ADAMTS12: variants seen among roughly 807,000 people sequenced by gnomAD.
ADAMTS12 encodes ADAM metallopeptidase with thrombospondin type 1 motif 12.
ADAMTS12 carries 118 observed loss-of-function variants against 167.8 expected under a neutral mutation model. The observed-to-expected ratio is 0.70, with a 90% CI of 0.61 to 0.82. The LOEUF (loss-of-function observed/expected upper bound fraction) is 0.82, where lower values mean the gene tolerates loss of function less well. Ranked by LOEUF, ADAMTS12 falls within the 40% of genes least tolerant of loss-of-function variation. The probability of loss-of-function intolerance (pLI) is 0.00; values close to 1 mark genes in which losing one functional copy is unlikely to be tolerated. For synonymous variants in ADAMTS12, 704 were observed against 716.9 expected (o/e 0.98, Z 0.29); for missense variants, 1,916 against 1,998.8 (o/e 0.96, Z 0.79).
intron 9 of ADAMTS12, among the ~76,000 whole-genome samples, chr5:33,647,502 G>A (rs574494848): frequency 2.6e-5 from 4 of 152,242 alleles, no homozygotes; most frequent in East Asian, 3.9e-4. Context: ...AGGCCAAGGC[G>A]GGTGGATCAC....
At chr5:33,835,933 CTCTCTCTCTCTCTCTCTCTCTGTGTGTG>C (rs1276833196) in intron 2 of ADAMTS12, among the ~76,000 whole-genome samples, 19 of 52,360 alleles carry the variant, frequency 3.6e-4, no homozygotes, top group South Asian at 2.0e-3. Context: ...CTCTCTCTCT[CTCTCTCTCTCTCTCTCTCTCTGTGTGTG>C]TGTGTGTGTC....
chr5:33,561,263 C>A, intron 19 of ADAMTS12, 84 bp from the exon 20 acceptor site: 2 of 1,525,882 alleles, frequency 1.3e-6, no homozygotes, highest in Non-Finnish European at 1.8e-6. Context: ...GGAGTCAGTT[C>A]TCAGTCCCGT....
In ADAMTS12 at chr5:33,672,908, G is replaced by A. The variant is rs1026765069; in HGVS notation, c.915+10110C>T. On this transcript the variant is annotated intron_variant, in intron 5 of 23. Coordinates refer to ENST00000504830, the MANE Select transcript of ADAMTS12 (RefSeq NM_030955.4). Reference sequence around the variant, plus strand: ...GACAGTATCTTAGCCAAGTCACAAAGCAGGCATTGGCAGAGCAGGGCTTGG... The same window carrying A: ...GACAGTATCTTAGCCAAGTCACAAAACAGGCATTGGCAGAGCAGGGCTTGG... Among the ~76,000 whole-genome samples, 4 of 152,202 alleles carry A rather than the reference G, an allele frequency of 2.6e-5. No homozygotes were observed. In the South Asian group the frequency reaches 8.3e-4, roughly 32 times the overall value.
chr5:33,578,104 T>G (rs1341883167), intron 18 of ADAMTS12, among the ~76,000 whole-genome samples: 1 of 152,200 alleles, frequency 6.6e-6, no homozygotes, highest in Non-Finnish European at 1.5e-5. Context: ...TCCAATGGCA[T>G]TTGAAGTCAA....
At chr5:33,787,612 C>A (rs1008275820) in intron 2 of ADAMTS12, among the ~76,000 whole-genome samples, 8 of 152,174 alleles carry the variant, frequency 5.3e-5, no homozygotes, top group African/African-American at 1.9e-4. Flanking sequence ...CATGCTGGCA[C>A]AGAGGCTGCA....
rs184610007 is a variant in ADAMTS12, at chr5:33,771,866, T to C, written c.490-20318A>G. Among the ~76,000 whole-genome samples, 265 of 151,552 alleles carry C rather than the reference T, an allele frequency of 1.7e-3. 1 individual carries two copies. The highest frequency in any genetic ancestry group is 6.1e-3 in the African/African-American group (251 of 41,256). ...TTTTTTTTTTGACAAGGTCTTGCTC[T>C]GTCACCCAGGCTGGAGTGGCACAAT... On this transcript the variant is annotated intron_variant, in intron 2 of 23. Coordinates refer to ENST00000504830, the MANE Select transcript of ADAMTS12 (RefSeq NM_030955.4).
intron 3 of ADAMTS12, among the ~76,000 whole-genome samples, chr5:33,717,645 T>A (rs1743661662): frequency 6.6e-6 from 1 of 152,194 alleles, no homozygotes; most frequent in Non-Finnish European, 1.5e-5. Context: ...AAGGCCTTGA[T>A]CACTGTGAAT....
At chr5:33,798,629 G>A (rs956225891) in intron 2 of ADAMTS12, among the ~76,000 whole-genome samples, 10 of 151,770 alleles carry the variant, frequency 6.6e-5, no homozygotes, top group Non-Finnish European at 1.0e-4. Context: ...TTGCAGAGAC[G>A]GGGTTTCACC....
chr5:33,636,640 C>T (rs1740208813), intron 12 of ADAMTS12, among the ~76,000 whole-genome samples: 2 of 152,138 alleles, frequency 1.3e-5, no homozygotes, highest in Admixed American at 6.5e-5. Flanking sequence ...ATTCTCAAAT[C>T]TGTGATTTTT....
intron 2 of ADAMTS12, among the ~76,000 whole-genome samples, chr5:33,837,393 GC>G (rs1340067336): frequency 2.0e-5 from 3 of 152,210 alleles, no homozygotes; most frequent in Non-Finnish European, 4.4e-5. Flanking sequence ...TTGAGTTGCT[GC>G]TTTTAATTAC....
intron 3 of ADAMTS12, among the ~76,000 whole-genome samples, chr5:33,691,372 GAAGT>G (rs930796682): frequency 6.6e-5 from 10 of 152,172 alleles, no homozygotes; most frequent in African/African-American, 2.2e-4. Context: ...GCTTAGGAAG[GAAGT>G]GAGATTCAAT....
chr5:33,542,899 C>G (rs1744777094), intron 22 of ADAMTS12, among the ~76,000 whole-genome samples: 1 of 152,076 alleles, frequency 6.6e-6, no homozygotes, highest in Non-Finnish European at 1.5e-5. Flanking sequence ...TAAATGCCCA[C>G]AAGAGAAAGC....
chr5:33,787,800 G>A (rs1746382867), intron 2 of ADAMTS12, among the ~76,000 whole-genome samples: 2 of 152,218 alleles, frequency 1.3e-5, no homozygotes, highest in Admixed American at 6.5e-5. Flanking sequence ...ATACAGAAAA[G>A]AGCGTGATAT....
intron 3 of ADAMTS12, among the ~76,000 whole-genome samples, chr5:33,724,176 C>G (rs955449212): frequency 1.3e-5 from 2 of 152,264 alleles, no homozygotes; most frequent in Middle Eastern, 3.4e-3. Context: ...GATTTTTAAA[C>G]AGTTCTGGAT....
At chr5:33,742,250 A>G (rs6859371) in intron 3 of ADAMTS12, among the ~76,000 whole-genome samples, 9,770 of 151,820 alleles carry the variant, frequency 0.064, 1,066 homozygotes, top group African/African-American at 0.22. Context: ...GCCTTTGAAG[A>G]GGAAGATTAG....
chr5:33,595,883 A>G, intron 17 of ADAMTS12, 51 bp downstream of exon 17: 1 of 1,608,150 alleles, frequency 6.2e-7, no homozygotes, highest in Non-Finnish European at 8.5e-7. Flanking sequence ...CTCTTGAGTC[A>G]GACATCACTG....
At position 33,785,336 on chromosome 5, in the gene ADAMTS12, G is replaced by A. The variant is rs115237649; in HGVS notation, c.490-33788C>T. On this transcript the variant is annotated intron_variant, in intron 2 of 23. Coordinates refer to ENST00000504830, the MANE Select transcript of ADAMTS12 (RefSeq NM_030955.4). ...TGATAAATTGAACTTCAACAAAATCGCAAACTTTGCTCTCAAAATATGTCT... is the reference window on the plus strand; with the variant it reads ...TGATAAATTGAACTTCAACAAAATCACAAACTTTGCTCTCAAAATATGTCT... Among the ~76,000 whole-genome samples the A allele has an allele frequency of 8.0e-3, 1,214 of 152,062 alleles. 18 individuals are homozygous for A. The highest frequency in any genetic ancestry group is 0.028 in the African/African-American group (1,153 of 41,508).
At chr5:33,551,286 C>T (rs889245708) in intron 20 of ADAMTS12, among the ~76,000 whole-genome samples, 4 of 152,104 alleles carry the variant, frequency 2.6e-5, no homozygotes, top group Admixed American at 6.5e-5. Context: ...AACACATGGG[C>T]CCATGTGATG....
At chr5:33,707,633 C>T (rs1438628430) in intron 3 of ADAMTS12, among the ~76,000 whole-genome samples, 1 of 152,090 alleles carries the variant, frequency 6.6e-6, no homozygotes, top group East Asian at 1.9e-4. Context: ...CAACAGAGGC[C>T]TCAGAAATAA....
Sources: gnomAD v4.1 joint callset for allele counts (sites outside exome capture counted in the v4.1 genomes callset) on GRCh38, gnomAD v4.1.1 for gene constraint, MANE v1.5 for transcripts, NCBI Gene and HGNC (gene_info 2026-07-23, HGNC 2026-07-21) for gene names.